Variants in PITPNC1 observed in about 807,000 individuals in gnomAD.
PITPNC1 encodes the protein phosphatidylinositol transfer protein cytoplasmic 1.
A neutral mutation model predicts 44.7 loss-of-function variants in PITPNC1; 18 were observed. That is an observed-to-expected ratio of 0.40 (90% CI 0.28 to 0.60). The LOEUF (loss-of-function observed/expected upper bound fraction) is 0.60. Ranked by LOEUF, PITPNC1 falls within the 20% of genes least tolerant of loss-of-function variation. PITPNC1 has a pLI of 0.39. For synonymous variants in PITPNC1, 141 were observed against 149.6 expected, an observed-to-expected ratio of 0.94 and a Z score of 0.42; for missense variants, 290 against 418.4, an observed-to-expected ratio of 0.69 and a Z score of 2.68.
At chr17:67,473,634 G>C (rs1212431038) in intron 1 of PITPNC1, among the ~76,000 whole-genome samples, 1 of 152,060 alleles carries the variant, frequency 6.6e-6, no homozygotes, top group Non-Finnish European at 1.5e-5. Flanking sequence ...TTTGGAGATG[G>C]GGTCTTGTTA....
At chr17:67,672,638 G>A in intron 7 of PITPNC1, among the ~76,000 whole-genome samples, 1 of 151,480 alleles carries the variant, frequency 6.6e-6, no homozygotes, top group Admixed American at 6.6e-5. Context: ...TAATTTAAAA[G>A]GCCATATTTA....
chr17:67,462,020 G>C (rs1349456486), intron 1 of PITPNC1, among the ~76,000 whole-genome samples: 1 of 151,952 alleles, frequency 6.6e-6, no homozygotes, highest in African/African-American at 2.4e-5. Flanking sequence ...TTCTGCTCCA[G>C]GTCTCTCTGG....
chr17:67,532,906 C>G lies in PITPNC1; in HGVS notation c.153C>G (p.His51Gln). 3.1e-6 allele frequency: 5 copies of G among 1,610,808 alleles called. No individual in the cohort carries two copies. Among genetic ancestry groups the G allele is most frequent in the Non-Finnish European group, 3.4e-6 (4 of 1,178,836 alleles). The part of the protein sequence containing the change: ...VVQNEPFEDP[H>Q]HGNGQFTEKR... ...AGAATGAGCCCTTTGAGGACCCTCA[C>G]CATGGCAATGGGCAGTTCACCGAGA... The change falls in exon 2 of 9, where the codon CAC (histidine) becomes CAG (glutamine). Residue 51 changes from histidine (H) to glutamine (Q), a missense_variant. By Grantham distance (24) the His-to-Gln change is conservative. Transcript: ENST00000581322.
At chr17:67,460,769 G>A (rs2039326069) in intron 1 of PITPNC1, among the ~76,000 whole-genome samples, 1 of 137,312 alleles carries the variant, frequency 7.3e-6, no homozygotes, top group African/African-American at 2.8e-5. Flanking sequence ...TTTTGAGACG[G>A]AGCCTGGCTC....
At chr17:67,424,691 G>C (rs1247885667) in intron 1 of PITPNC1, among the ~76,000 whole-genome samples, 1 of 151,868 alleles carries the variant, frequency 6.6e-6, no homozygotes, top group Non-Finnish European at 1.5e-5. Context: ...ATACAAAACT[G>C]AGCTGAGGAG....
chr17:67,584,542 A>T (rs900244077), intron 5 of PITPNC1, among the ~76,000 whole-genome samples: 6 of 149,596 alleles, frequency 4.0e-5, no homozygotes, highest in Admixed American at 6.7e-5. Context: ...TTCTTTATTT[A>T]AAAAAAAAAT....
chr17:67,640,325 G>T (rs377281965), intron 6 of PITPNC1, among the ~76,000 whole-genome samples: 2 of 152,188 alleles, frequency 1.3e-5, no homozygotes, highest in African/African-American at 2.4e-5. Context: ...AGCAGCTGCC[G>T]CATCGCGGGC....
Position 67,695,045 on chromosome 17 carries a change from C to T in PITPNC1, c.*2157C>T, listed in dbSNP as rs1304933692. The T allele has an allele frequency of 6.6e-6, 1 of 152,172 alleles. No individual in the cohort carries two copies. The highest frequency in any genetic ancestry group is 1.5e-5 in the Non-Finnish European group (1 of 68,034). 9.4% of individuals were successfully genotyped at this position (152,172 alleles called of 1,614,324 possible). A position where few individuals can be genotyped will look rare whatever the true frequency, so the allele number is the denominator to read the frequency against. ...TTCCCTTTTTATAAAGTAGCTTCTG[C>T]TGTCAAGGTTAACAATTCTATATGC... On this transcript the variant is annotated 3_prime_UTR_variant, in exon 9 of 9. Coordinates refer to ENST00000581322, the MANE Select transcript of PITPNC1 (RefSeq NM_012417.4).
At chr17:67,409,145 C>T (rs994198545) in intron 1 of PITPNC1, among the ~76,000 whole-genome samples, 6 of 133,680 alleles carry the variant, frequency 4.5e-5, no homozygotes, top group Non-Finnish European at 7.7e-5. Flanking sequence ...ACTGCAGTGG[C>T]GCAATCTCGG....
intron 1 of PITPNC1, among the ~76,000 whole-genome samples, chr17:67,456,682 G>A (rs1213060377): frequency 6.6e-6 from 1 of 151,612 alleles, no homozygotes; most frequent in Non-Finnish European, 1.5e-5. Flanking sequence ...GTATTTTATT[G>A]TATTTTGTAT....
intron 4 of PITPNC1, among the ~76,000 whole-genome samples, chr17:67,574,711 G>A (rs1253134235): frequency 6.6e-6 from 1 of 152,148 alleles, no homozygotes. Flanking sequence ...GAAGCCCAGA[G>A]CCACAGATAA....
intron 1 of PITPNC1, among the ~76,000 whole-genome samples, chr17:67,413,798 G>C (rs1339576938): frequency 6.6e-6 from 1 of 152,132 alleles, no homozygotes; most frequent in Non-Finnish European, 1.5e-5. Context: ...TCCTAGGGCA[G>C]TTTGCATCCT....
Position 67,647,481 on chromosome 17 carries a change from T to G in PITPNC1, c.462+15243T>G, listed in dbSNP as rs999351759. Among the ~76,000 whole-genome samples, 10 of 140,418 alleles carry G rather than the reference T, an allele frequency of 7.1e-5. 1 individual carries two copies. The highest frequency in any genetic ancestry group is 2.4e-4 in the African/African-American group (9 of 37,466). The allele number at this position is 140,418 out of a possible 152,430, so 92.1% of individuals were successfully genotyped here. A position where few individuals can be genotyped will look rare whatever the true frequency, so the allele number is the denominator to read the frequency against. ...AATTTTGGGTTTTTTTTTTTTTTTT[T>G]TTTTTTTTTTTTGTAGAGACGGGGT... On this transcript the variant is annotated intron_variant, in intron 6 of 8. Transcript: ENST00000581322.
chr17:67,582,612 A>C (rs1008178613), intron 5 of PITPNC1, among the ~76,000 whole-genome samples: 3 of 151,966 alleles, frequency 2.0e-5, no homozygotes, highest in Non-Finnish European at 2.9e-5. Flanking sequence ...TGGCAGTATG[A>C]GTAAATATCT....
intron 1 of PITPNC1, among the ~76,000 whole-genome samples, chr17:67,393,268 G>C (rs1022773149): frequency 6.6e-6 from 1 of 152,050 alleles, no homozygotes; most frequent in African/African-American, 2.4e-5. Context: ...CCCATCTTCA[G>C]AACAGTTTTC....
chr17:67,399,083 C>G (rs1180587692), intron 1 of PITPNC1, among the ~76,000 whole-genome samples: 1 of 141,366 alleles, frequency 7.1e-6, no homozygotes, highest in Non-Finnish European at 1.5e-5. Context: ...GGTGCGATCT[C>G]GGCTCACTGC....
intron 1 of PITPNC1, among the ~76,000 whole-genome samples, chr17:67,421,009 A>G (rs2038665898): frequency 6.6e-6 from 1 of 152,188 alleles, no homozygotes; most frequent in East Asian, 1.9e-4. Flanking sequence ...ACTGGGCTCC[A>G]GTCTCTTTTG....
At chr17:67,510,803 C>G (rs1298273199) in intron 1 of PITPNC1, among the ~76,000 whole-genome samples, 1 of 152,014 alleles carries the variant, frequency 6.6e-6, no homozygotes, top group African/African-American at 2.4e-5. Flanking sequence ...TGTTACCGCC[C>G]TTGTGGATAA....
At chr17:67,607,372 C>G (rs2041622208) in intron 5 of PITPNC1, among the ~76,000 whole-genome samples, 1 of 152,210 alleles carries the variant, frequency 6.6e-6, no homozygotes, top group Non-Finnish European at 1.5e-5. Context: ...CCCCCTTGGG[C>G]TCTCCCATCC....
Sources: gnomAD v4.1 joint callset for allele counts (sites outside exome capture counted in the v4.1 genomes callset) on GRCh38, gnomAD v4.1.1 for gene constraint, MANE v1.5 for transcripts, NCBI Gene and HGNC (gene_info 2026-07-23, HGNC 2026-07-21) for gene names.